The following RTL10 variants were observed in gnomAD, a reference collection of about 807,000 sequenced individuals.
The protein encoded by RTL10 is protein Bop.
For synonymous variants in RTL10, 199 were observed against 188.4 expected (o/e 1.06, Z -0.46); for missense variants, 477 against 470.7 (o/e 1.01, Z -0.12).
chr22:19,848,517 C>A lies in RTL10; in HGVS notation c.*2650G>T. On this transcript the variant is annotated 3_prime_UTR_variant, in exon 3 of 3. Transcript: ENST00000328554. ...TGCACTGCCTGTCTGGAAGGCCATGCCAGAGTCCATCGTTGCCTCCACCCT... is the reference window on the plus strand; with the variant it reads ...TGCACTGCCTGTCTGGAAGGCCATGACAGAGTCCATCGTTGCCTCCACCCT... 6.1e-6 allele frequency: 6 copies of A among 985,504 alleles called. No homozygotes were observed. Among genetic ancestry groups the A allele is most frequent in the Non-Finnish European group, 7.2e-6 (6 of 829,962 alleles). 61.0% of individuals were successfully genotyped at this position (985,504 alleles called of 1,614,324 possible).
In RTL10 at chr22:19,847,354, G is replaced by A; in HGVS notation, c.*3813C>T. ...GCAGGGTAACAGCTTTATTTGCCTT[G>A]CTCCTTTATTGCTGGATCTTTGGGC... On this transcript the variant is annotated 3_prime_UTR_variant, in exon 3 of 3. Coordinates refer to ENST00000328554, the MANE Select transcript of RTL10 (RefSeq NM_024627.6). 1.0e-6 allele frequency: 1 copy of A among 985,422 alleles called. No individual in the cohort carries two copies. Among genetic ancestry groups the A allele is most frequent in the Non-Finnish European group, 1.2e-6 (1 of 829,942 alleles). The allele number at this position is 985,422 out of a possible 1,614,324, so 61.0% of individuals were successfully genotyped here.
Position 19,847,804 on chromosome 22 carries a change from C to A in RTL10, c.*3363G>T, listed in dbSNP as rs73877361. The A allele has an allele frequency of 0.02, 12,075 of 610,950 alleles. 1,402 individuals carry two copies. The African/African-American group carries it at 0.27, about 14-fold the overall frequency. 37.8% of individuals were successfully genotyped at this position (610,950 alleles called of 1,614,324 possible). Reference sequence around the variant, plus strand: ...ACTTTTAAAATCCTGGAATCATAGGCAAAAAAAAAAAAAAAAAAAAATTCA... The same window carrying A: ...ACTTTTAAAATCCTGGAATCATAGGAAAAAAAAAAAAAAAAAAAAAATTCA... On this transcript the variant is annotated 3_prime_UTR_variant, in exon 3 of 3. Coordinates refer to ENST00000328554, the MANE Select transcript of RTL10 (RefSeq NM_024627.6).
Position 19,846,947 on chromosome 22 carries a change from CCCTCCCAT to C in RTL10, c.*4212_*4219del, listed in dbSNP as rs1367273821. ...ATGTTGCCCTGGGATGGATGCAGGC[CCCTCCCAT>C]CCTCCCATCCTCAGCAGCACCAACC... On this transcript the variant is annotated 3_prime_UTR_variant, in exon 3 of 3. Transcript: ENST00000328554. 3.0e-6 allele frequency: 3 copies of C among 985,336 alleles called. No homozygotes were observed. The highest frequency in any genetic ancestry group is 1.1e-4 in the East Asian group (1 of 8,824). 61.0% of individuals were successfully genotyped at this position (985,336 alleles called of 1,614,324 possible).
Position 19,850,764 on chromosome 22 carries a change from C to T in RTL10, c.*403G>A, listed in dbSNP as rs1016941668. ...AGGAACGAGGTCCCAACAGGGCAGA[C>T]GTGGCAGACCCAGTTCAGTCCCAGC... On this transcript the variant is annotated 3_prime_UTR_variant, in exon 3 of 3. Transcript: ENST00000328554. 9 of 1,248,402 alleles carry T rather than the reference C, an allele frequency of 7.2e-6. No individual in the cohort carries two copies. The highest frequency in any genetic ancestry group is 7.8e-5 in the Admixed American group (2 of 25,678). 77.3% of individuals were successfully genotyped at this position (1,248,402 alleles called of 1,614,324 possible).
chr22:19,853,625 C>T (rs1222938289), intron 2 of RTL10, among the ~76,000 whole-genome samples: 1 of 152,108 alleles, frequency 6.6e-6, no homozygotes, highest in Non-Finnish European at 1.5e-5. Flanking sequence ...CAGGTACCTC[C>T]CAGGGTGGCC....
Position 19,846,893 on chromosome 22 carries a change from T to C in RTL10, c.*4274A>G. The C allele has an allele frequency of 1.0e-6, 1 of 981,536 alleles. No homozygotes were observed. The highest frequency in any genetic ancestry group is 1.2e-6 in the Non-Finnish European group (1 of 826,356). 60.8% of individuals were successfully genotyped at this position (981,536 alleles called of 1,614,324 possible). A position where few individuals can be genotyped will look rare whatever the true frequency, so the allele number is the denominator to read the frequency against. On this transcript the variant is annotated 3_prime_UTR_variant, in exon 3 of 3. Transcript: ENST00000328554. ...TTAAGTCCCCTAGCCTGCGGTCCTT[T>C]GTCAGGCAGCCCCAGCAGACAAACA... is the stretch of plus-strand genomic sequence containing the variant.
Position 19,851,679 on chromosome 22 carries a change from G to A in RTL10, c.583C>T (p.Pro195Ser). Residue 195 changes from proline (P) to serine (S), a missense_variant, in exon 3 of 3, where the codon CCC (proline) becomes TCC (serine). Pro to Ser is a moderately conservative substitution (Grantham distance 74, BLOSUM62 -1). Transcript: ENST00000328554. ...FAEYHAVVTC[P>S]LPLASSQLPV... The stretch of plus-strand genomic sequence containing the variant: ...AGCTGGCTGGAGGCCAGGGGCAGGG[G>A]ACAGGTAACCACAGCATGGTACTCA... 1 of 1,596,864 alleles carries A rather than the reference G, an allele frequency of 6.3e-7. No individual in the cohort carries two copies. The highest frequency in any genetic ancestry group is 8.6e-7 in the Non-Finnish European group (1 of 1,169,290).
At position 19,847,755 on chromosome 22, in the gene RTL10, C is replaced by G. The variant is rs1937994000; in HGVS notation, c.*3412G>C. 3.1e-6 allele frequency: 3 copies of G among 965,022 alleles called. No homozygotes were observed. The South Asian group carries it at 1.4e-4, about 46-fold the overall frequency. 59.8% of individuals were successfully genotyped at this position (965,022 alleles called of 1,614,324 possible). A position where few individuals can be genotyped will look rare whatever the true frequency, so the allele number is the denominator to read the frequency against. ...GTATGAGAAGGTCCACTTCTCCATA[C>G]CTCCACAACTCTGGGCATCTAAAAC... On this transcript the variant is annotated 3_prime_UTR_variant, in exon 3 of 3. Transcript: ENST00000328554.
At position 19,850,898 on chromosome 22, in the gene RTL10, C is replaced by T; in HGVS notation, c.*269G>A. ...AAAACGACCCCCTCGTGGGAGCAGG[C>T]CTGGGTGAGACGGCACTCCCAGAAG... On this transcript the variant is annotated 3_prime_UTR_variant, in exon 3 of 3. Coordinates refer to ENST00000328554, the MANE Select transcript of RTL10 (RefSeq NM_024627.6). The T allele has an allele frequency of 7.3e-7, 1 of 1,360,594 alleles. No homozygotes were observed. Among genetic ancestry groups the T allele is most frequent in the East Asian group, 2.7e-5 (1 of 37,494 alleles). The allele number at this position is 1,360,594 out of a possible 1,614,324, so 84.3% of individuals were successfully genotyped here. A position where few individuals can be genotyped will look rare whatever the true frequency, so the allele number is the denominator to read the frequency against.
chr22:19,852,547 G>C, intron 2 of RTL10, 61 bp from the exon 3 acceptor site: 1 of 419,766 alleles, frequency 2.4e-6, no homozygotes, highest in Non-Finnish European at 4.3e-6. Flanking sequence ...CACTGGACTG[G>C]TGGGAAGAGG....
chr22:19,852,861 A>G lies in RTL10; in HGVS notation c.-225-375T>C, dbSNP rs141115437. Among the ~76,000 whole-genome samples, 501 of 152,248 alleles carry G rather than the reference A, an allele frequency of 3.3e-3. 2 individuals carry two copies. The highest frequency in any genetic ancestry group is 0.011 in the African/African-American group (468 of 41,520). On this transcript the variant is annotated intron_variant, in intron 2 of 2. Transcript: ENST00000328554. ...GGTGAAGTAACTTGTCTGCAGCCAC[A>G]CACTAACCCATAAGTGGTGGAAGCA...
In RTL10 at chr22:19,851,957, G is replaced by A. The variant is rs775279319; in HGVS notation, c.305C>T (p.Ser102Leu). ...HRVDFCWVPGSDPGTFDGSPW... is the reference protein window; with the variant it reads ...HRVDFCWVPGLDPGTFDGSPW... ...GGAGCCATCAAAGGTGCCTGGGTCT[G>A]AGCCTGGTACCCAGCAGAAGTCCAC... The change falls in exon 3 of 3, where the codon TCA becomes TTA. Residue 102 changes from serine to leucine, a missense_variant. Ser to Leu is a moderately radical substitution (Grantham distance 145, BLOSUM62 -2). Coordinates refer to ENST00000328554, the MANE Select transcript of RTL10 (RefSeq NM_024627.6). The A allele has an allele frequency of 2.0e-5, 32 of 1,614,018 alleles. No individual in the cohort carries two copies. The highest frequency in any genetic ancestry group is 2.7e-5 in the Non-Finnish European group (32 of 1,179,992).
In RTL10 at chr22:19,850,318, G is replaced by C; in HGVS notation, c.*849C>G. ...CTAAGACAGAGCCCCTGTGCTGAGG[G>C]TCACAGTCTGCCAGGAGGGAGATCC... is the stretch of plus-strand genomic sequence containing the variant. On this transcript the variant is annotated 3_prime_UTR_variant, in exon 3 of 3. Coordinates refer to ENST00000328554, the MANE Select transcript of RTL10 (RefSeq NM_024627.6). The C allele has an allele frequency of 2.0e-6, 2 of 982,686 alleles. No individual in the cohort carries two copies. Among genetic ancestry groups the C allele is most frequent in the Non-Finnish European group, 2.4e-6 (2 of 827,290 alleles). The allele number at this position is 982,686 out of a possible 1,614,324, so 60.9% of individuals were successfully genotyped here.
chr22:19,854,778 G>A lies in RTL10; in HGVS notation c.-441C>T, dbSNP rs538510212. 4.2e-4 allele frequency: 64 copies of A among 152,488 alleles called. No homozygotes were observed. The highest frequency in any genetic ancestry group is 1.2e-3 in the African/African-American group (51 of 41,576). 9.4% of individuals were successfully genotyped at this position (152,488 alleles called of 1,614,324 possible). On this transcript the variant is annotated 5_prime_UTR_variant, in exon 1 of 3. Coordinates refer to ENST00000328554, the MANE Select transcript of RTL10 (RefSeq NM_024627.6). ...GGCGCAGCTCCAGGCCCGCGTGCACGGAGTTCAAGCCGGCCGCCCGGGCTC... is the reference window on the plus strand; with the variant it reads ...GGCGCAGCTCCAGGCCCGCGTGCACAGAGTTCAAGCCGGCCGCCCGGGCTC...
chr22:19,853,167 C>G (rs2054626058), intron 2 of RTL10, among the ~76,000 whole-genome samples: 1 of 152,066 alleles, frequency 6.6e-6, no homozygotes, highest in Non-Finnish European at 1.5e-5. Context: ...CAATGCCACC[C>G]CCACCCACAA....
chr22:19,850,520 G>A lies in RTL10; in HGVS notation c.*647C>T. The A allele has an allele frequency of 9.3e-7, 1 of 1,069,788 alleles. No homozygotes were observed. The highest frequency in any genetic ancestry group is 1.1e-6 in the Non-Finnish European group (1 of 884,778). The allele number at this position is 1,069,788 out of a possible 1,614,324, so 66.3% of individuals were successfully genotyped here. On this transcript the variant is annotated 3_prime_UTR_variant, in exon 3 of 3. Coordinates refer to ENST00000328554, the MANE Select transcript of RTL10 (RefSeq NM_024627.6). ...ATGCCTGCAGCTGAGCCTGGCAAGG[G>A]GCTTGCATCCCACCTTCCTGCATCC...
In RTL10 at chr22:19,852,506, G is replaced by A. The variant is rs1007412985; in HGVS notation, c.-225-20C>T. ...GGCAATCTGTCCAAAGACAAGGTGG[G>A]GAAGAGCAGGAACTAGGCCTAACCA... On this transcript the variant is annotated intron_variant, in intron 2 of 2. Coordinates refer to ENST00000328554, the MANE Select transcript of RTL10 (RefSeq NM_024627.6). 3.8e-6 allele frequency: 2 copies of A among 528,410 alleles called. No individual in the cohort carries two copies. The highest frequency in any genetic ancestry group is 6.3e-5 in the East Asian group (2 of 31,544). The allele number at this position is 528,410 out of a possible 1,614,324, so 32.7% of individuals were successfully genotyped here. A position where few individuals can be genotyped will look rare whatever the true frequency, so the allele number is the denominator to read the frequency against.
At position 19,851,846 on chromosome 22, in the gene RTL10, A is replaced by G; in HGVS notation, c.416T>C (p.Val139Ala). The G allele has an allele frequency of 6.2e-7, 1 of 1,613,992 alleles. No individual in the cohort carries two copies. The highest frequency in any genetic ancestry group is 8.5e-7 in the Non-Finnish European group (1 of 1,180,024). ...TGTTAGGCGCCTGAGGATCTCGCAG[A>G]CACGGCTGATGTTGTCCTGATAGTG... is the stretch of plus-strand genomic sequence containing the variant. ...FEHYQDNISR[V>A]CEILRRLTGR... Residue 139 changes from valine (V) to alanine (A), a missense_variant, in exon 3 of 3, where the codon GTC becomes GCC. Transcript: ENST00000328554.
Position 19,850,881 on chromosome 22 carries a change from C to G in RTL10, c.*286G>C. The G allele has an allele frequency of 7.5e-7, 1 of 1,328,190 alleles. No individual in the cohort carries two copies. The highest frequency in any genetic ancestry group is 9.6e-7 in the Non-Finnish European group (1 of 1,043,558). The allele number at this position is 1,328,190 out of a possible 1,614,324, so 82.3% of individuals were successfully genotyped here. A position where few individuals can be genotyped will look rare whatever the true frequency, so the allele number is the denominator to read the frequency against. On this transcript the variant is annotated 3_prime_UTR_variant, in exon 3 of 3. Transcript: ENST00000328554. ...GCTGAGAGTTGATCTACAAAACGAC[C>G]CCCTCGTGGGAGCAGGCCTGGGTGA...
Sources: gnomAD v4.1 joint callset for allele counts (sites outside exome capture counted in the v4.1 genomes callset) on GRCh38, gnomAD v4.1.1 for gene constraint, MANE v1.5 for transcripts, NCBI Gene and HGNC (gene_info 2026-07-23, HGNC 2026-07-21) for gene names.